Variants in ICOS observed in about 807,000 individuals in gnomAD.
ICOS encodes the protein inducible T cell costimulator.
A neutral mutation model predicts 24.6 loss-of-function variants in ICOS; 15 were observed. That is an observed-to-expected ratio of 0.61 (90% CI 0.41 to 0.94). ICOS has a LOEUF of 0.94. ICOS is among the 40% of genes least tolerant of loss of function. ICOS has a pLI of 0.00. For synonymous variants in ICOS, 89 were observed against 77.5 expected (o/e 1.15, Z -0.78); for missense variants, 200 against 233.0 (o/e 0.86, Z 0.92).
rs1690168395 is a variant in ICOS at position 203,960,941 on chromosome 2, T to C, written c.*1342T>C. ...TCATAAAAACCACACAGCCTGGAAA[T>C]TGGCCCTGGCCCTTCAAGATAGCCT... On this transcript the variant is annotated 3_prime_UTR_variant, in exon 5 of 5. Coordinates refer to ENST00000316386, the MANE Select transcript of ICOS (RefSeq NM_012092.4). 1 of 152,242 alleles carries C rather than the reference T, an allele frequency of 6.6e-6. No homozygotes were observed. The highest frequency in any genetic ancestry group is 1.5e-5 in the Non-Finnish European group (1 of 68,046). 9.4% of individuals were successfully genotyped at this position (152,242 alleles called of 1,614,324 possible).
chr2:203,954,824 CTCTA>C (rs949468276), intron 1 of ICOS, among the ~76,000 whole-genome samples: 2 of 149,636 alleles, frequency 1.3e-5, no homozygotes, highest in African/African-American at 4.9e-5. Context: ...CACACATAGT[CTCTA>C]TATATTGTAA....
At position 203,959,920 on chromosome 2, in the gene ICOS, C is replaced by T. The variant is rs566929855; in HGVS notation, c.*321C>T. ...AGTGCATCAGCCAGTAAAACAAACA[C>T]ATTTACAAGAAAAATGTTTTAAAGA... On this transcript the variant is annotated 3_prime_UTR_variant, in exon 5 of 5. Transcript: ENST00000316386. 8 of 453,356 alleles carry T rather than the reference C, an allele frequency of 1.8e-5. No homozygotes were observed. Among genetic ancestry groups the T allele is most frequent in the East Asian group, 4.3e-5 (1 of 23,448 alleles). 28.1% of individuals were successfully genotyped at this position (453,356 alleles called of 1,614,324 possible).
chr2:203,945,078 A>G (rs1381586109), intron 1 of ICOS, among the ~76,000 whole-genome samples: 1 of 152,212 alleles, frequency 6.6e-6, no homozygotes, highest in Non-Finnish European at 1.5e-5. Flanking sequence ...ATATATTTTA[A>G]AACACCTTAT....
intron 2 of ICOS, 26 bp from the exon 3 acceptor site, chr2:203,956,633 T>C (rs761117341): frequency 4.6e-6 from 7 of 1,528,100 alleles, no homozygotes; most frequent in Admixed American, 1.7e-5. Flanking sequence ...GAATTTTTCA[T>C]TAACATACCT....
chr2:203,959,249 T>C (rs1205935334), intron 4 of ICOS, among the ~76,000 whole-genome samples: 1 of 152,120 alleles, frequency 6.6e-6, no homozygotes, highest in Non-Finnish European at 1.5e-5. Context: ...AGAAAAGCAG[T>C]GAAATGCAGT....
chr2:203,952,513 G>A (rs1250385656), intron 1 of ICOS, among the ~76,000 whole-genome samples: 1 of 152,124 alleles, frequency 6.6e-6, no homozygotes, highest in Non-Finnish European at 1.5e-5. Context: ...ATCTAGGTGT[G>A]CATACTTTTA....
chr2:203,945,886 T>A (rs1358049177), intron 1 of ICOS, among the ~76,000 whole-genome samples: 1 of 152,184 alleles, frequency 6.6e-6, no homozygotes, highest in Non-Finnish European at 1.5e-5. Flanking sequence ...AAGTTTGGGC[T>A]GGAGAGAAAA....
intron 1 of ICOS, among the ~76,000 whole-genome samples, chr2:203,938,957 C>T (rs1689714754): frequency 6.6e-6 from 1 of 152,148 alleles, no homozygotes; most frequent in Admixed American, 6.5e-5. Flanking sequence ...ATGCATGTAT[C>T]CAGAAACTGC....
chr2:203,957,015 T>C (rs907777146), intron 3 of ICOS, among the ~76,000 whole-genome samples: 2 of 152,142 alleles, frequency 1.3e-5, no homozygotes, highest in African/African-American at 4.8e-5. Context: ...TTATTATTAT[T>C]GTTCAAACTA....
chr2:203,958,930 T>C (rs1017736328), intron 4 of ICOS, among the ~76,000 whole-genome samples: 4 of 152,174 alleles, frequency 2.6e-5, no homozygotes, highest in Admixed American at 2.0e-4. Flanking sequence ...AGTAGTTTAT[T>C]TGGGAGGTGA....
At chr2:203,959,482 G>A (rs1363522866) in intron 4 of ICOS, 104 bp from the exon 5 acceptor site, 16 of 859,774 alleles carry the variant, frequency 1.9e-5, no homozygotes, top group Middle Eastern at 2.2e-4. Context: ...GTGTGTGCAC[G>A]TGTGTGTTTG....
chr2:203,937,236 G>A (rs1689668865), intron 1 of ICOS, among the ~76,000 whole-genome samples: 1 of 152,116 alleles, frequency 6.6e-6, no homozygotes, highest in Non-Finnish European at 1.5e-5. Context: ...AATAGCTCTG[G>A]CATTTGGACT....
intron 1 of ICOS, among the ~76,000 whole-genome samples, chr2:203,952,815 A>G (rs944694922): frequency 3.3e-5 from 5 of 152,120 alleles, no homozygotes; most frequent in African/African-American, 1.2e-4. Context: ...TGGGGACCTG[A>G]TAATTCAGGT....
At position 203,956,662 on chromosome 2, in the gene ICOS, C is replaced by T; in HGVS notation, c.398C>T (p.Ser133Leu). The T allele has an allele frequency of 6.2e-7, 1 of 1,611,916 alleles. No individual in the cohort carries two copies. The highest frequency in any genetic ancestry group is 8.5e-7 in the Non-Finnish European group (1 of 1,178,098). ...CATACCTTTTTTTCCAATCCAGAAT[C>T]ACAACTTTGTTGCCAGCTGAAGTTC... is the stretch of plus-strand genomic sequence containing the variant. Reference protein sequence around the residue: ...LTGGYLHIYESQLCCQLKFWL... With the variant: ...LTGGYLHIYELQLCCQLKFWL... The change falls in exon 3 of 5, where the codon TCA becomes TTA. Residue 133 changes from serine to leucine, a missense_variant. Ser to Leu is a moderately radical substitution (Grantham distance 145). Transcript: ENST00000316386.
chr2:203,957,975 G>A, intron 4 of ICOS, 92 bp downstream of exon 4: 2 of 752,902 alleles, frequency 2.7e-6, no homozygotes, highest in South Asian at 1.6e-5. Context: ...TTAAAGGAAA[G>A]GAAAACATCT....
intron 1 of ICOS, among the ~76,000 whole-genome samples, chr2:203,951,731 A>G (rs1367607145): frequency 6.6e-6 from 1 of 152,178 alleles, no homozygotes; most frequent in African/African-American, 2.4e-5. Context: ...TGCCATTCTA[A>G]AGTCTCTGGG....
chr2:203,937,340 G>A (rs1378148957), intron 1 of ICOS, among the ~76,000 whole-genome samples: 1 of 152,148 alleles, frequency 6.6e-6, no homozygotes, highest in Non-Finnish European at 1.5e-5. Flanking sequence ...TATCTGAAAT[G>A]TCCAGGGCAC....
chr2:203,956,134 T>A (rs1470861198), intron 2 of ICOS, among the ~76,000 whole-genome samples, 163 bp downstream of exon 2: 3 of 152,174 alleles, frequency 2.0e-5, no homozygotes, highest in Non-Finnish European at 4.4e-5. Context: ...GGTGATGATT[T>A]ACTATTAATC....
chr2:203,940,193 T>G (rs75410508), intron 1 of ICOS, among the ~76,000 whole-genome samples: 2,012 of 152,334 alleles, frequency 0.013, 51 homozygotes, highest in African/African-American at 0.046. Context: ...TGCACTGATA[T>G]GAGAACTTAA....
Sources: gnomAD v4.1 joint callset for allele counts (sites outside exome capture counted in the v4.1 genomes callset) on GRCh38, gnomAD v4.1.1 for gene constraint, MANE v1.5 for transcripts, NCBI Gene and HGNC (gene_info 2026-07-23, HGNC 2026-07-21) for gene names.